DACT3: variants seen among roughly 807,000 people sequenced by gnomAD.
DACT3 encodes dapper homolog 3.
In DACT3, 5 loss-of-function variants were observed where a neutral mutation model predicts 19.6. The ratio of observed to expected loss-of-function variants is 0.26; its 90% CI spans 0.13 to 0.54. The LOEUF is 0.54. DACT3 is among the 20% of genes least tolerant of loss of function. DACT3 has a pLI of 0.95. For synonymous variants in DACT3, 454 were observed against 428.1 expected (o/e 1.06, Z -0.75); for missense variants, 908 against 927.4 (o/e 0.98, Z 0.27).
chr19:46,649,509 C>T lies in DACT3; in HGVS notation c.863G>A (p.Arg288Gln). 2 of 1,087,880 alleles carry T rather than the reference C, an allele frequency of 1.8e-6. No individual in the cohort carries two copies. Among genetic ancestry groups the T allele is most frequent in the Non-Finnish European group, 2.2e-6 (2 of 898,150 alleles). The allele number at this position is 1,087,880 out of a possible 1,614,324, so 67.4% of individuals were successfully genotyped here. A position where few individuals can be genotyped will look rare whatever the true frequency, so the allele number is the denominator to read the frequency against. The change falls in exon 4 of 4, where the codon CGG (arginine) becomes CAG (glutamine). Residue 288 changes from arginine (R) to glutamine (Q), a missense_variant. Transcript: ENST00000391916. Reference sequence around the variant, plus strand: ...GGGGGACGGAGACGCGTCGGGCGGCCGCTGGCGCACGCTGTTCTGGCGCCG... The same window carrying T: ...GGGGGACGGAGACGCGTCGGGCGGCTGCTGGCGCACGCTGTTCTGGCGCCG... ...GPRRQNSVRQ[R>Q]PPDASPSPGS...
Position 46,660,703 on chromosome 19 carries a change from TTC to T in DACT3, c.249+111_249+112del. 1 of 1,393,168 alleles carries T rather than the reference TTC, an allele frequency of 7.2e-7. No individual in the cohort carries two copies. Among genetic ancestry groups the T allele is most frequent in the Non-Finnish European group, 9.3e-7 (1 of 1,079,066 alleles). The allele number at this position is 1,393,168 out of a possible 1,614,324, so 86.3% of individuals were successfully genotyped here. A position where few individuals can be genotyped will look rare whatever the true frequency, so the allele number is the denominator to read the frequency against. On this transcript the variant is annotated intron_variant, in intron 1 of 3. Transcript: ENST00000391916. This position sits in a 1 kb window ranked among gnomAD's most constrained non-coding sequence, Gnocchi z 4.9. ...GGTCGCCAGCCCCACCCCCTGTCCT[TTC>T]TCACTCCCTGCCTACCCGGGTCCCC...
chr19:46,660,948 G>A lies in DACT3; in HGVS notation c.117C>T (p.Tyr39=). The change falls in exon 1 of 4, where the codon TAC becomes TAT. Residue 39 remains tyrosine (Y), a synonymous_variant. Coordinates refer to ENST00000391916, the MANE Select transcript of DACT3 (RefSeq NM_145056.3). This position sits in a 1 kb window ranked among gnomAD's most constrained non-coding sequence, Gnocchi z 4.9. ...CCAGCCGCAGCGCCTGCTGCACGCG[G>A]TACTCCTGCCTCTCCCGGAGCCAAT... ...ELHWLRERQE[Y]RVQQALRLAQ... is the part of the protein sequence containing the mutation. The A allele has an allele frequency of 2.6e-6, 4 of 1,540,332 alleles. No individual in the cohort carries two copies. Among genetic ancestry groups the A allele is most frequent in the Non-Finnish European group, 3.5e-6 (4 of 1,146,018 alleles).
Position 46,649,487 on chromosome 19 carries a change from G to A in DACT3, c.885C>T (p.Ser295=). ...CCCGCGCGGGTCGCGCGCTGCCGGG[G>A]GACGGAGACGCGTCGGGCGGCCGCT... ...VRQRPPDASP[S]PGSARPAREP... Residue 295 remains serine (S), a synonymous_variant, in exon 4 of 4, where the codon TCC becomes TCT. Transcript: ENST00000391916. 2.6e-6 allele frequency: 3 copies of A among 1,132,512 alleles called. No individual in the cohort carries two copies. Among genetic ancestry groups the A allele is most frequent in the Non-Finnish European group, 3.2e-6 (3 of 926,506 alleles). 70.2% of individuals were successfully genotyped at this position (1,132,512 alleles called of 1,614,324 possible). A position where few individuals can be genotyped will look rare whatever the true frequency, so the allele number is the denominator to read the frequency against.
chr19:46,649,371 G>A lies in DACT3; in HGVS notation c.1001C>T (p.Pro334Leu), dbSNP rs2052955436. The A allele has an allele frequency of 7.9e-7, 1 of 1,271,366 alleles. No individual in the cohort carries two copies. Among genetic ancestry groups the A allele is most frequent in the East Asian group, 3.7e-5 (1 of 27,334 alleles). The allele number at this position is 1,271,366 out of a possible 1,614,324, so 78.8% of individuals were successfully genotyped here. The change falls in exon 4 of 4, where the codon CCC becomes CTC. Residue 334 changes from proline to leucine, a missense_variant. Physicochemically the swap from Pro to Leu is moderately conservative, Grantham distance 98. Transcript: ENST00000391916. The stretch of plus-strand genomic sequence containing the variant: ...GGCGGCGGGCGGCGCAGCGGGCTCG[G>A]GTGCCGCCTCCGACTCCCACGACGA... ...WASSWESEAA[P>L]EPAAPPAAPS...
At chr19:46,652,901 C>A in intron 2 of DACT3, 78 bp downstream of exon 2, 1 of 1,541,964 alleles carries the variant, frequency 6.5e-7, no homozygotes, top group Non-Finnish European at 8.7e-7. Flanking sequence ...TGGGGAGAGA[C>A]ACAGGGGGCC....
Position 46,660,728 on chromosome 19 carries a change from C to T in DACT3, c.249+88G>A, listed in dbSNP as rs2053068938. On this transcript the variant is annotated intron_variant, in intron 1 of 3. Transcript: ENST00000391916. The surrounding 1 kb of genome is among the most constrained non-coding windows in gnomAD (Gnocchi z 4.9). ...TTCTCACTCCCTGCCTACCCGGGTCCCCAACCCCCGCCCGGTGTCTGAGCA... is the reference window on the plus strand; with the variant it reads ...TTCTCACTCCCTGCCTACCCGGGTCTCCAACCCCCGCCCGGTGTCTGAGCA... The T allele has an allele frequency of 7.1e-7, 1 of 1,399,010 alleles. No homozygotes were observed. Among genetic ancestry groups the T allele is most frequent in the Non-Finnish European group, 9.2e-7 (1 of 1,081,478 alleles). 86.7% of individuals were successfully genotyped at this position (1,399,010 alleles called of 1,614,324 possible). A position where few individuals can be genotyped will look rare whatever the true frequency, so the allele number is the denominator to read the frequency against.
chr19:46,648,085 T>C lies in DACT3; in HGVS notation c.*397A>G, dbSNP rs894796373. The C allele has an allele frequency of 1.0e-5, 2 of 197,778 alleles. No individual in the cohort carries two copies. Among genetic ancestry groups the C allele is most frequent in the Non-Finnish European group, 2.1e-5 (2 of 95,832 alleles). The allele number at this position is 197,778 out of a possible 1,614,324, so 12.3% of individuals were successfully genotyped here. On this transcript the variant is annotated 3_prime_UTR_variant, in exon 4 of 4. Coordinates refer to ENST00000391916, the MANE Select transcript of DACT3 (RefSeq NM_145056.3). This position sits in a 1 kb window ranked among gnomAD's most constrained non-coding sequence, Gnocchi z 5.1. ...CATAGCTGGGCAAGGAAAGGAGGAA[T>C]GAGAGGGCTCATCAGGAATGAGAGG...
intron 3 of DACT3, 39 bp downstream of exon 3, chr19:46,652,621 C>T (rs778558234): frequency 2.6e-6 from 4 of 1,545,194 alleles, no homozygotes; most frequent in African/African-American, 2.7e-5. Flanking sequence ...TCCTACTGTC[C>T]TTTCCCTGGC....
At position 46,660,707 on chromosome 19, in the gene DACT3, C is replaced by A; in HGVS notation, c.249+109G>T. ...GCCAGCCCCACCCCCTGTCCTTTCT[C>A]ACTCCCTGCCTACCCGGGTCCCCAA... On this transcript the variant is annotated intron_variant, in intron 1 of 3. Transcript: ENST00000391916. The surrounding 1 kb of genome is among the most constrained non-coding windows in gnomAD (Gnocchi z 4.9). 1 of 1,397,386 alleles carries A rather than the reference C, an allele frequency of 7.2e-7. No individual in the cohort carries two copies. The highest frequency in any genetic ancestry group is 9.2e-7 in the Non-Finnish European group (1 of 1,081,784). 86.6% of individuals were successfully genotyped at this position (1,397,386 alleles called of 1,614,324 possible).
rs1183234443 is a variant in DACT3 at position 46,660,893 on chromosome 19, C to T, written c.172G>A (p.Glu58Lys). The T allele has an allele frequency of 1.3e-6, 2 of 1,536,574 alleles. No homozygotes were observed. The highest frequency in any genetic ancestry group is 8.7e-7 in the Non-Finnish European group (1 of 1,145,602). ...AQPGMGGAEA[E>K]DEEDADEDED... Reference sequence around the variant, plus strand: ...TCCTCATCGGCGTCCTCCTCGTCCTCGGCCTCGGCGCCCCCCATTCCGGGC... The same window carrying T: ...TCCTCATCGGCGTCCTCCTCGTCCTTGGCCTCGGCGCCCCCCATTCCGGGC... The change falls in exon 1 of 4, where the codon GAG (glutamate) becomes AAG (lysine). Residue 58 changes from glutamate (E) to lysine (K), a missense_variant. Glu to Lys is a moderately conservative substitution (Grantham distance 56, BLOSUM62 1). Around this residue, in one of 2 missense-constraint regions of DACT3, gnomAD observed 252 missense variants for 325.6 expected, o/e 0.77. Transcript: ENST00000391916. This position sits in a 1 kb window ranked among gnomAD's most constrained non-coding sequence, Gnocchi z 4.9.
In DACT3 at chr19:46,649,602, A is replaced by G; in HGVS notation, c.770T>C (p.Leu257Pro). The G allele has an allele frequency of 8.9e-7, 1 of 1,123,284 alleles. No individual in the cohort carries two copies. Among genetic ancestry groups the G allele is most frequent in the South Asian group, 2.9e-5 (1 of 34,876 alleles). The allele number at this position is 1,123,284 out of a possible 1,614,324, so 69.6% of individuals were successfully genotyped here. ...RPLDGYISAL[L>P]RRRRRRGAGQ... Reference sequence around the variant, plus strand: ...CGCCCCCCGGCGGCGGCGCCTGCGCAGGAGCGCCGAGATGTAGCCGTCCAG... The same window carrying G: ...CGCCCCCCGGCGGCGGCGCCTGCGCGGGAGCGCCGAGATGTAGCCGTCCAG... Residue 257 changes from leucine (L) to proline (P), a missense_variant, in exon 4 of 4, where the codon CTG becomes CCG. Physicochemically the swap from Leu to Pro is moderately conservative, Grantham distance 98 (BLOSUM62 -3). Transcript: ENST00000391916.
At position 46,649,333 on chromosome 19, in the gene DACT3, C is replaced by A; in HGVS notation, c.1039G>T (p.Asp347Tyr). The change falls in exon 4 of 4, where the codon GAC becomes TAC. Residue 347 changes from aspartate to tyrosine, a missense_variant. Asp to Tyr is a radical substitution (Grantham distance 160). Around this residue, in one of 2 missense-constraint regions of DACT3, gnomAD observed 656 missense variants for 601.8 expected, o/e 1.09. Coordinates refer to ENST00000391916, the MANE Select transcript of DACT3 (RefSeq NM_145056.3). Reference sequence around the variant, plus strand: ...ACCAAGCGGCCCTCAGCCGGGCTGTCGGGGGGTGAGGGGGCGGCGGGCGGC... The same window carrying A: ...ACCAAGCGGCCCTCAGCCGGGCTGTAGGGGGGTGAGGGGGCGGCGGGCGGC... ...AAPPAAPSPP[D>Y]SPAEGRLVKA... The A allele has an allele frequency of 8.1e-7, 1 of 1,230,670 alleles. No homozygotes were observed. Among genetic ancestry groups the A allele is most frequent in the Non-Finnish European group, 1.0e-6 (1 of 983,898 alleles). 76.2% of individuals were successfully genotyped at this position (1,230,670 alleles called of 1,614,324 possible).
chr19:46,649,398 GC>G lies in DACT3; in HGVS notation c.973del (p.Ala325ArgfsTer31). 1 of 1,286,002 alleles carries G rather than the reference GC, an allele frequency of 7.8e-7. No homozygotes were observed. The highest frequency in any genetic ancestry group is 9.9e-7 in the Non-Finnish European group (1 of 1,007,214). 79.7% of individuals were successfully genotyped at this position (1,286,002 alleles called of 1,614,324 possible). On this transcript the variant is annotated frameshift_variant, in exon 4 of 4. Transcript: ENST00000391916. LOFTEE classifies it low-confidence loss of function (END_TRUNC). ...TGCCGCCTCCGACTCCCACGACGAC[GC>G]CCAGGCGCGGCTCAAGGCGGCAGGG... ...TSPAALSRAW[A>X]SSWESEAAPE...
At position 46,648,545 on chromosome 19, in the gene DACT3, G is replaced by C. The variant is rs1462096161; in HGVS notation, c.1827C>G (p.His609Gln). ...AKVFVKIKAS[H>Q]ALKKKILRFR... ...AACGCAGTATCTTTTTCTTGAGCGC[G>C]TGGGAAGCTTTGATTTTCACGAAGA... is the stretch of plus-strand genomic sequence containing the variant. The change falls in exon 4 of 4, where the codon CAC becomes CAG. Residue 609 changes from histidine (H) to glutamine (Q), a missense_variant. This residue lies in a region of DACT3 where 656 missense variants were observed against 601.8 expected (regional missense o/e 1.09). Coordinates refer to ENST00000391916, the MANE Select transcript of DACT3 (RefSeq NM_145056.3). The surrounding 1 kb of genome is among the most constrained non-coding windows in gnomAD (Gnocchi z 5.1). The C allele has an allele frequency of 1.9e-5, 30 of 1,613,850 alleles. No homozygotes were observed. The highest frequency in any genetic ancestry group is 2.5e-5 in the Non-Finnish European group (29 of 1,179,854).
chr19:46,661,113 T>C lies in DACT3; in HGVS notation c.-49A>G. 1 of 1,349,114 alleles carries C rather than the reference T, an allele frequency of 7.4e-7. No homozygotes were observed. The highest frequency in any genetic ancestry group is 9.5e-7 in the Non-Finnish European group (1 of 1,057,756). 83.6% of individuals were successfully genotyped at this position (1,349,114 alleles called of 1,614,324 possible). On this transcript the variant is annotated 5_prime_UTR_variant, in exon 1 of 4. Transcript: ENST00000391916. The stretch of plus-strand genomic sequence containing the variant: ...CGGCCGGGCCCCGCGGCCACCCCTC[T>C]CCCGGTCCCACCTCCCCGCCCCAGC...
chr19:46,649,314 C>T lies in DACT3; in HGVS notation c.1058G>A (p.Arg353His), dbSNP rs1310526207. ...PSPPDSPAEG[R>H]LVKAQYIPGA... ...CGGGATGTACTGCGCCTTCACCAAG[C>T]GGCCCTCAGCCGGGCTGTCGGGGGG... Residue 353 changes from arginine to histidine, a missense_variant, in exon 4 of 4, where the codon CGC (arginine) becomes CAC (histidine). Arg to His is a conservative substitution (Grantham distance 29). This residue lies in a region of DACT3 where 656 missense variants were observed against 601.8 expected (regional missense o/e 1.09). Coordinates refer to ENST00000391916, the MANE Select transcript of DACT3 (RefSeq NM_145056.3). 7 of 1,233,576 alleles carry T rather than the reference C, an allele frequency of 5.7e-6. No homozygotes were observed. The highest frequency in any genetic ancestry group is 2.5e-5 in the South Asian group (1 of 40,094). 76.4% of individuals were successfully genotyped at this position (1,233,576 alleles called of 1,614,324 possible).
At chr19:46,659,143 G>C (rs1000708362) in intron 1 of DACT3, 2 of 985,058 alleles carry the variant, frequency 2.0e-6, no homozygotes, top group African/African-American at 1.8e-5. Context: ...CCCAGCACTA[G>C]AGAAGTTTAT....
Position 46,649,015 on chromosome 19 carries a change from G to A in DACT3, c.1357C>T (p.Arg453Trp), listed in dbSNP as rs1179655715. The A allele has an allele frequency of 3.3e-5, 42 of 1,268,996 alleles. No homozygotes were observed. The highest frequency in any genetic ancestry group is 3.9e-5 in the Non-Finnish European group (39 of 1,009,196). 78.6% of individuals were successfully genotyped at this position (1,268,996 alleles called of 1,614,324 possible). ...KYPTAEREEP[R>W]PPRPRRGPAP... ...GGGCCGCGGCGTGGCCGTGGAGGCC[G>A]AGGCTCTTCCCGCTCCGCCGTGGGG... The change falls in exon 4 of 4, where the codon CGG becomes TGG. Residue 453 changes from arginine (R) to tryptophan (W), a missense_variant. Around this residue, in one of 2 missense-constraint regions of DACT3, gnomAD observed 656 missense variants for 601.8 expected, o/e 1.09. Transcript: ENST00000391916.
chr19:46,658,966 G>T, intron 1 of DACT3: 1 of 517,684 alleles, frequency 1.9e-6, no homozygotes, highest in Non-Finnish European at 2.5e-6. Flanking sequence ...TCTTTACCTG[G>T]TATCCCCATC....
Sources: allele counts gnomAD v4.1 joint callset, GRCh38; gene constraint gnomAD v4.1.1; regional missense constraint gnomAD v4.1.1; non-coding constraint Gnocchi (gnomAD v3.1); transcripts MANE v1.5; gene names NCBI Gene and HGNC (gene_info 2026-07-23, HGNC 2026-07-21).